PRKG1: variants seen among roughly 807,000 people sequenced by gnomAD.
The protein encoded by PRKG1 is cGMP-dependent protein kinase 1.
Under a neutral mutation model 88.1 loss-of-function variants are expected in PRKG1, and 35 were observed. The observed-to-expected ratio is 0.40, with a 90% CI of 0.30 to 0.53. PRKG1 has a LOEUF of 0.53. Ranked by LOEUF, PRKG1 falls within the 20% of genes least tolerant of loss-of-function variation. The pLI is 0.59. For missense variants in PRKG1, 540 were observed against 839.8 expected (o/e 0.64, Z 4.41); for synonymous variants, 303 against 292.5 (o/e 1.04, Z -0.37).
intron 5 of PRKG1, among the ~76,000 whole-genome samples, chr10:52,022,234 T>A (rs959161428): frequency 7.2e-5 from 11 of 152,218 alleles, no homozygotes; most frequent in African/African-American, 2.2e-4. Context: ...TAAGTTATGA[T>A]GCTTGGTAGG....
intron 1 of PRKG1, among the ~76,000 whole-genome samples, chr10:51,027,385 G>T (rs1002428996): frequency 3.3e-5 from 5 of 152,148 alleles, no homozygotes; most frequent in African/African-American, 9.7e-5. Context: ...TTCAATGGAT[G>T]GGCCATTTAT....
intron 3 of PRKG1, among the ~76,000 whole-genome samples, chr10:51,490,672 G>A (rs57574814): frequency 0.017 from 2,631 of 152,106 alleles, 52 homozygotes; most frequent in African/African-American, 0.044. Flanking sequence ...AATACTGTCC[G>A]TTTTTCATAG....
intron 9 of PRKG1, among the ~76,000 whole-genome samples, chr10:52,209,630 A>G (rs1839911204): frequency 6.6e-6 from 1 of 152,108 alleles, no homozygotes; most frequent in Non-Finnish European, 1.5e-5. Context: ...CAGAAGTCAT[A>G]ATCTCATGAG....
chr10:51,210,521 C>A (rs988449601), intron 2 of PRKG1, among the ~76,000 whole-genome samples: 56 of 152,258 alleles, frequency 3.7e-4, no homozygotes, highest in Admixed American at 2.0e-3. Flanking sequence ...ATCAATGAAT[C>A]CAGGAGCTGA....
At chr10:52,110,017 C>T (rs1176518284) in intron 7 of PRKG1, among the ~76,000 whole-genome samples, 1 of 151,730 alleles carries the variant, frequency 6.6e-6, no homozygotes, top group Non-Finnish European at 1.5e-5. Context: ...GTACCAGATG[C>T]TCACTGGGAA....
intron 3 of PRKG1, among the ~76,000 whole-genome samples, chr10:51,717,295 G>A (rs1841909626): frequency 6.6e-6 from 1 of 152,128 alleles, no homozygotes; most frequent in African/African-American, 2.4e-5. Flanking sequence ...CTGAGTAACA[G>A]CTTAGGCAAC....
intron 7 of PRKG1, among the ~76,000 whole-genome samples, chr10:52,100,246 T>A (rs1329865829): frequency 6.6e-6 from 1 of 152,204 alleles, no homozygotes; most frequent in African/African-American, 2.4e-5. Flanking sequence ...ATTTTAATAA[T>A]TGATTTTGTT....
At chr10:52,020,841 C>G (rs562954013) in intron 5 of PRKG1, among the ~76,000 whole-genome samples, 2 of 152,020 alleles carry the variant, frequency 1.3e-5, no homozygotes, top group East Asian at 3.9e-4. Context: ...TCACCCAGTA[C>G]CTGAGATTTT....
intron 2 of PRKG1, among the ~76,000 whole-genome samples, chr10:51,258,265 C>T (rs1332086858): frequency 6.6e-6 from 1 of 152,154 alleles, no homozygotes; most frequent in Non-Finnish European, 1.5e-5. Flanking sequence ...TACAGCAAAA[C>T]ATTCAAAAGT....
intron 2 of PRKG1, among the ~76,000 whole-genome samples, chr10:51,262,879 C>T (rs920968778): frequency 1.5e-4 from 23 of 152,170 alleles, no homozygotes; most frequent in Non-Finnish European, 8.8e-5. Context: ...CAATCGCCTC[C>T]CATCAATCCC....
At chr10:51,443,361 T>C (rs1488500286) in intron 2 of PRKG1, among the ~76,000 whole-genome samples, 1 of 152,040 alleles carries the variant, frequency 6.6e-6, no homozygotes, top group Non-Finnish European at 1.5e-5. Context: ...AAATATTTAC[T>C]CTCTGGCCCT....
At chr10:52,130,537 G>T (rs1837224885) in intron 7 of PRKG1, among the ~76,000 whole-genome samples, 1 of 152,068 alleles carries the variant, frequency 6.6e-6, no homozygotes, top group Admixed American at 6.6e-5. Flanking sequence ...TTTCTTAATA[G>T]TCAAATGGAA....
At chr10:51,054,521 A>G (rs1266020525) in intron 1 of PRKG1, among the ~76,000 whole-genome samples, 1 of 152,150 alleles carries the variant, frequency 6.6e-6, no homozygotes, top group Non-Finnish European at 1.5e-5. Context: ...GAAGCCTCTC[A>G]TGCCCTTAAG....
intron 2 of PRKG1, among the ~76,000 whole-genome samples, chr10:51,323,995 C>T (rs549438502): frequency 3.9e-5 from 6 of 152,236 alleles, no homozygotes; most frequent in African/African-American, 9.6e-5. Flanking sequence ...TAGTACATAT[C>T]TTTGGGATGC....
intron 3 of PRKG1, among the ~76,000 whole-genome samples, chr10:51,642,646 C>A (rs116339308): frequency 0.039 from 5,910 of 152,228 alleles, 166 homozygotes; most frequent in Middle Eastern, 0.075. Context: ...GAGTTTGGAT[C>A]TACTAATCGT....
intron 7 of PRKG1, among the ~76,000 whole-genome samples, chr10:52,077,097 A>C (rs1328440173): frequency 6.6e-6 from 1 of 152,154 alleles, no homozygotes; most frequent in Non-Finnish European, 1.5e-5. Flanking sequence ...GCATACAAAG[A>C]CTTGTACAAA....
intron 3 of PRKG1, among the ~76,000 whole-genome samples, chr10:51,783,499 C>T (rs1310950193): frequency 2.6e-5 from 4 of 152,158 alleles, no homozygotes; most frequent in Non-Finnish European, 2.9e-5. Flanking sequence ...CCAGGCTGGT[C>T]TCAAACTCCT....
intron 3 of PRKG1, among the ~76,000 whole-genome samples, chr10:51,552,874 A>G (rs1837175675): frequency 6.6e-6 from 1 of 151,628 alleles, no homozygotes; most frequent in South Asian, 2.1e-4. Flanking sequence ...TCCTGTCAGC[A>G]GGCAGACTAT....
intron 2 of PRKG1, among the ~76,000 whole-genome samples, chr10:51,238,265 G>A (rs1395505716): frequency 6.6e-6 from 1 of 152,134 alleles, no homozygotes; most frequent in South Asian, 2.1e-4. Context: ...TTATTGAGTT[G>A]CTATAGACCA....
Sources: allele counts gnomAD v4.1 joint callset (sites outside exome capture counted in the v4.1 genomes callset), GRCh38; gene constraint gnomAD v4.1.1; transcripts MANE v1.5; gene names NCBI Gene and HGNC (gene_info 2026-07-23, HGNC 2026-07-21).